The following DGKB variants were observed in gnomAD, a reference collection of about 807,000 sequenced individuals.
The protein encoded by DGKB is 90 kDa diacylglycerol kinase.
In DGKB, 67 loss-of-function variants were observed where a neutral mutation model predicts 114.3. The ratio of observed to expected loss-of-function variants is 0.59; its 90% CI spans 0.48 to 0.72. The LOEUF (loss-of-function observed/expected upper bound fraction) is 0.72. Ranked by LOEUF, DGKB falls within the 30% of genes least tolerant of loss-of-function variation. DGKB has a pLI of 0.00. For missense variants in DGKB, 907 were observed against 975.2 expected (o/e 0.93, Z 0.93); for synonymous variants, 398 against 323.1 (o/e 1.23, Z -2.49).
intron 12 of DGKB, among the ~76,000 whole-genome samples, chr7:14,680,495 T>C (rs997133298): frequency 6.6e-6 from 1 of 151,754 alleles, no homozygotes; most frequent in Non-Finnish European, 1.5e-5. Flanking sequence ...CAAAGAAAAA[T>C]GAATAACTTG....
chr7:14,756,181 G>T (rs1001201976), intron 3 of DGKB, among the ~76,000 whole-genome samples: 2 of 151,930 alleles, frequency 1.3e-5, no homozygotes, highest in Non-Finnish European at 2.9e-5. Flanking sequence ...AGAAAAACAG[G>T]TTTTATCTCT....
At chr7:14,785,206 T>G (rs1050972053) in intron 2 of DGKB, among the ~76,000 whole-genome samples, 73 of 152,308 alleles carry the variant, frequency 4.8e-4, no homozygotes, top group African/African-American at 1.7e-3. Context: ...TAATGTTATA[T>G]AAAATATGGC....
At chr7:14,712,880 A>T (rs1325289582) in intron 6 of DGKB, among the ~76,000 whole-genome samples, 10 of 152,068 alleles carry the variant, frequency 6.6e-5, no homozygotes, top group Admixed American at 6.6e-4. Flanking sequence ...AAGTAAAGTC[A>T]GGCCCAAAGG....
chr7:14,698,396 G>A (rs374104673), intron 7 of DGKB, among the ~76,000 whole-genome samples: 2 of 152,032 alleles, frequency 1.3e-5, no homozygotes, highest in African/African-American at 2.4e-5. Flanking sequence ...TTTTCACCAG[G>A]AGAGGGCACA....
intron 1 of DGKB, among the ~76,000 whole-genome samples, chr7:14,924,183 A>G (rs1036451162): frequency 1.3e-5 from 2 of 151,898 alleles, no homozygotes; most frequent in Admixed American, 1.3e-4. Context: ...ATTTTTCTAT[A>G]GTTCTTAAAA....
At position 14,253,275 on chromosome 7, in the gene DGKB, C is replaced by T. The variant is rs182342807; in HGVS notation, c.2123-75124G>A. On this transcript the variant is annotated intron_variant, in intron 23 of 25. Transcript: ENST00000402815. ...GTCTCGAACTCCTGACCTCGTGATC[C>T]GCCCGCCTCAGCCTCCTAAATGCTG... is the stretch of plus-strand genomic sequence containing the variant. 4.5e-3 allele frequency among the ~76,000 whole-genome samples: 689 copies of T among 152,094 alleles called. 3 individuals are homozygous for T. Among genetic ancestry groups the T allele is most frequent in the East Asian group, 0.014 (71 of 5,150 alleles).
At chr7:14,281,093 A>G (rs1372812788) in intron 23 of DGKB, among the ~76,000 whole-genome samples, 1 of 147,764 alleles carries the variant, frequency 6.8e-6, no homozygotes. Flanking sequence ...AAGACCCATC[A>G]GTGTGCTGTA....
chr7:14,297,164 C>G (rs530105770), intron 23 of DGKB, among the ~76,000 whole-genome samples: 1 of 152,260 alleles, frequency 6.6e-6, no homozygotes, highest in South Asian at 2.1e-4. Context: ...GAAGCTATTC[C>G]TAACAATAGC....
At chr7:14,268,644 T>C (rs557125760) in intron 23 of DGKB, among the ~76,000 whole-genome samples, 2 of 152,284 alleles carry the variant, frequency 1.3e-5, no homozygotes, top group East Asian at 3.9e-4. Flanking sequence ...TGGGGATTCC[T>C]AGCATTCAGT....
intron 13 of DGKB, among the ~76,000 whole-genome samples, chr7:14,632,419 T>C (rs888115568): frequency 6.6e-6 from 1 of 151,600 alleles, no homozygotes; most frequent in Non-Finnish European, 1.5e-5. Flanking sequence ...CATATATATT[T>C]ATATGTAAAG....
At chr7:14,795,387 C>T (rs1375581163) in intron 2 of DGKB, among the ~76,000 whole-genome samples, 1 of 151,978 alleles carries the variant, frequency 6.6e-6, no homozygotes, top group Non-Finnish European at 1.5e-5. Flanking sequence ...CTTGGCATGC[C>T]TTATTGCAAT....
intron 23 of DGKB, among the ~76,000 whole-genome samples, chr7:14,268,710 G>A (rs1797870537): frequency 6.6e-6 from 1 of 152,102 alleles, no homozygotes; most frequent in Non-Finnish European, 1.5e-5. Flanking sequence ...TGTTGGCTTA[G>A]CAATTTAATC....
chr7:14,966,708 C>A (rs963894486), intron 1 of DGKB, among the ~76,000 whole-genome samples: 1 of 151,890 alleles, frequency 6.6e-6, no homozygotes, highest in Non-Finnish European at 1.5e-5. Flanking sequence ...TATTTTTGGC[C>A]CCATTCCATG....
chr7:14,184,410 T>C (rs901541158), intron 23 of DGKB, among the ~76,000 whole-genome samples: 1 of 152,120 alleles, frequency 6.6e-6, no homozygotes, highest in Non-Finnish European at 1.5e-5. Flanking sequence ...ACCTTCTGCC[T>C]GGAAACTAAC....
chr7:14,524,043 C>A (rs1282679032), intron 20 of DGKB, among the ~76,000 whole-genome samples: 2 of 152,040 alleles, frequency 1.3e-5, no homozygotes, highest in East Asian at 3.9e-4. Context: ...ATCAAATCAG[C>A]TGATAATTTT....
intron 23 of DGKB, among the ~76,000 whole-genome samples, chr7:14,256,075 A>G (rs59734999): frequency 0.37 from 56,755 of 152,058 alleles, 10,530 homozygotes; most frequent in East Asian, 0.46. Flanking sequence ...AATACTGGCC[A>G]AGTTTTGTCT....
intron 4 of DGKB, among the ~76,000 whole-genome samples, chr7:14,739,235 G>A (rs1832184901): frequency 6.6e-6 from 1 of 152,218 alleles, no homozygotes; most frequent in African/African-American, 2.4e-5. Flanking sequence ...ACCTGCCCAG[G>A]TCACTGTGCA....
chr7:14,331,893 G>A (rs1374600742), intron 23 of DGKB, among the ~76,000 whole-genome samples: 2 of 152,128 alleles, frequency 1.3e-5, no homozygotes, highest in Non-Finnish European at 2.9e-5. Flanking sequence ...CTCCTTGACA[G>A]CCAATCAGAT....
At chr7:14,889,489 G>A (rs531682642) in intron 1 of DGKB, among the ~76,000 whole-genome samples, 1 of 151,576 alleles carries the variant, frequency 6.6e-6, no homozygotes, top group African/African-American at 2.4e-5. Flanking sequence ...CCTGGTTATG[G>A]CCCACCAAAA....
Sources: allele counts gnomAD v4.1 joint callset (sites outside exome capture counted in the v4.1 genomes callset), GRCh38; gene constraint gnomAD v4.1.1; transcripts MANE v1.5; gene names NCBI Gene and HGNC (gene_info 2026-07-23, HGNC 2026-07-21).